GALNTL6: variants seen among roughly 807,000 people sequenced by gnomAD.
GALNTL6 encodes the protein polypeptide N-acetylgalactosaminyltransferase-like 6.
GALNTL6 carries 46 observed loss-of-function variants against 73.7 expected under a neutral mutation model. The ratio of observed to expected loss-of-function variants is 0.62; its 90% CI spans 0.49 to 0.80. The LOEUF (loss-of-function observed/expected upper bound fraction) is 0.80. Ranked by LOEUF, GALNTL6 falls within the 30% of genes least tolerant of loss-of-function variation. GALNTL6 has a pLI of 0.00. For synonymous variants in GALNTL6, 259 were observed against 263.7 expected (o/e 0.98, Z 0.17); for missense variants, 604 against 755.0 (o/e 0.80, Z 2.34).
intron 7 of GALNTL6, among the ~76,000 whole-genome samples, chr4:172,857,525 G>A (rs1390178551): frequency 3.3e-5 from 5 of 152,146 alleles, no homozygotes; most frequent in African/African-American, 1.2e-4. Flanking sequence ...GAAAGGGATA[G>A]GTGAACTAAA....
intron 2 of GALNTL6, among the ~76,000 whole-genome samples, chr4:172,145,922 A>G (rs1282325469): frequency 6.6e-6 from 1 of 152,188 alleles, no homozygotes; most frequent in East Asian, 1.9e-4. Context: ...AATGTTTTAT[A>G]TTAGGTTGAA....
intron 5 of GALNTL6, among the ~76,000 whole-genome samples, chr4:172,607,606 G>A (rs1445670299): frequency 4.6e-5 from 7 of 152,084 alleles, no homozygotes; most frequent in Admixed American, 4.6e-4. Context: ...ATTCCTTTGG[G>A]TGTATAGCCA....
At chr4:171,979,145 G>A (rs76297017) in intron 2 of GALNTL6, among the ~76,000 whole-genome samples, 9 of 152,026 alleles carry the variant, frequency 5.9e-5, no homozygotes, top group Admixed American at 4.6e-4. Flanking sequence ...TACATGATTC[G>A]CATGGCATAA....
intron 8 of GALNTL6, among the ~76,000 whole-genome samples, chr4:172,912,388 C>A (rs948438278): frequency 6.6e-6 from 1 of 152,176 alleles, no homozygotes; most frequent in Non-Finnish European, 1.5e-5. Context: ...GGGTGCAGCC[C>A]GTGGAGTGTG....
intron 5 of GALNTL6, among the ~76,000 whole-genome samples, chr4:172,479,692 C>A (rs559578608): frequency 6.6e-6 from 1 of 152,168 alleles, no homozygotes; most frequent in African/African-American, 2.4e-5. Context: ...CACTTGAACC[C>A]CAAAAGCTAT....
At chr4:172,048,917 T>C (rs904800149) in intron 2 of GALNTL6, among the ~76,000 whole-genome samples, 6 of 152,068 alleles carry the variant, frequency 3.9e-5, no homozygotes, top group African/African-American at 1.2e-4. Flanking sequence ...CAACATACTT[T>C]AGTTTGAAAG....
At chr4:172,276,443 T>TTTTAAAA (rs1248930972) in intron 3 of GALNTL6, among the ~76,000 whole-genome samples, 1 of 152,224 alleles carries the variant, frequency 6.6e-6, no homozygotes, top group Non-Finnish European at 1.5e-5. Flanking sequence ...AAGTGAACTA[T>TTTTAAAA]TTTAAAATTC....
At chr4:172,174,490 C>G (rs867482777) in intron 2 of GALNTL6, among the ~76,000 whole-genome samples, 2 of 152,018 alleles carry the variant, frequency 1.3e-5, no homozygotes, top group Admixed American at 1.3e-4. Context: ...CTCCACTTTC[C>G]AAAATTACTT....
intron 3 of GALNTL6, among the ~76,000 whole-genome samples, chr4:172,294,401 T>C (rs956065840): frequency 6.6e-6 from 1 of 152,178 alleles, no homozygotes; most frequent in African/African-American, 2.4e-5. Context: ...TCTGACAGTT[T>C]GCGATTTTTA....
intron 7 of GALNTL6, among the ~76,000 whole-genome samples, chr4:172,847,836 C>T (rs1468543615): frequency 6.6e-6 from 1 of 152,036 alleles, no homozygotes; most frequent in Non-Finnish European, 1.5e-5. Flanking sequence ...ATGAGGGATC[C>T]CTAAACTCCC....
At chr4:172,967,805 T>C (rs978429381) in intron 10 of GALNTL6, among the ~76,000 whole-genome samples, 1 of 152,194 alleles carries the variant, frequency 6.6e-6, no homozygotes, top group African/African-American at 2.4e-5. Flanking sequence ...TCTGTAGGGT[T>C]TGATACTATC....
chr4:172,698,153 C>G (rs944105772), intron 5 of GALNTL6, among the ~76,000 whole-genome samples: 1 of 151,996 alleles, frequency 6.6e-6, no homozygotes, highest in Non-Finnish European at 1.5e-5. Context: ...ACTTGAGAAA[C>G]TCCTCCCCAT....
chr4:172,309,925 C>T (rs115087284), intron 3 of GALNTL6, among the ~76,000 whole-genome samples: 3,182 of 151,930 alleles, frequency 0.021, 93 homozygotes, highest in African/African-American at 0.07. Context: ...TTGTATAAAA[C>T]GCCACTGAGG....
In GALNTL6 at chr4:172,430,853, A is replaced by G. The variant is rs538603407; in HGVS notation, c.553+82164A>G. On this transcript the variant is annotated intron_variant, in intron 5 of 12. Coordinates refer to ENST00000506823, the MANE Select transcript of GALNTL6 (RefSeq NM_001034845.3). ...TAGCAATAAAAGAATAGGGAAAATT[A>G]TTTTATGAGTTGAAATAGGATTATT... is the stretch of plus-strand genomic sequence containing the variant. 6.6e-5 allele frequency among the ~76,000 whole-genome samples: 10 copies of G among 152,214 alleles called. No individual in the cohort carries two copies. The South Asian group carries it at 2.1e-3, about 32-fold the overall frequency.
intron 5 of GALNTL6, among the ~76,000 whole-genome samples, chr4:172,533,073 A>G (rs1735221516): frequency 7.0e-6 from 1 of 142,240 alleles, no homozygotes; most frequent in East Asian, 2.1e-4. Context: ...ATGCAGTGGT[A>G]TGATCTCGGC....
chr4:172,643,091 T>A (rs918177202), intron 5 of GALNTL6, among the ~76,000 whole-genome samples: 1 of 142,554 alleles, frequency 7.0e-6, no homozygotes, highest in South Asian at 2.2e-4. Context: ...TTAAATGTTT[T>A]TTGAAGATTC....
At chr4:173,009,963 G>A (rs1256981245) in intron 11 of GALNTL6, among the ~76,000 whole-genome samples, 2 of 152,128 alleles carry the variant, frequency 1.3e-5, no homozygotes, top group East Asian at 3.8e-4. Context: ...ATGTAAAATG[G>A]TGTCCATCCC....
chr4:172,768,340 A>C (rs1369840234), intron 5 of GALNTL6, among the ~76,000 whole-genome samples: 1 of 152,162 alleles, frequency 6.6e-6, no homozygotes, highest in Non-Finnish European at 1.5e-5. Flanking sequence ...AGTACAAATC[A>C]AGAGCCACAG....
chr4:172,843,342 T>C (rs368911499), intron 7 of GALNTL6, among the ~76,000 whole-genome samples: 34 of 152,338 alleles, frequency 2.2e-4, no homozygotes, highest in African/African-American at 7.7e-4. Flanking sequence ...TCCCCAGTTT[T>C]GATATTTGAG....
Sources: gnomAD v4.1 joint callset for allele counts (sites outside exome capture counted in the v4.1 genomes callset) on GRCh38, gnomAD v4.1.1 for gene constraint, MANE v1.5 for transcripts, NCBI Gene and HGNC (gene_info 2026-07-23, HGNC 2026-07-21) for gene names.